The following INPP4B variants were observed in gnomAD, a reference collection of about 807,000 sequenced individuals.
INPP4B encodes inositol polyphosphate-4-phosphatase type II B.
Under a neutral mutation model 122.5 loss-of-function variants are expected in INPP4B, and 55 were observed. The observed-to-expected ratio is 0.45, with a 90% CI of 0.36 to 0.56. The LOEUF is 0.56. Among genes scored for constraint, INPP4B ranks in the 20% least tolerant of loss-of-function variants. The pLI is 0.00. For synonymous variants in INPP4B, 403 were observed against 388.7 expected, an observed-to-expected ratio of 1.04 and a Z score of -0.43; for missense variants, 1,000 against 1,097.7, an observed-to-expected ratio of 0.91 and a Z score of 1.26.
chr4:142,426,959 T>G (rs894104796), intron 5 of INPP4B: 8 of 151,998 alleles, frequency 5.3e-5, no homozygotes, highest in African/African-American at 1.9e-4. Context: ...CTTGTTTTAC[T>G]TCTGATTAAA....
At chr4:142,395,318 C>T (rs945733452) in intron 7 of INPP4B, among the ~76,000 whole-genome samples, 1 of 152,236 alleles carries the variant, frequency 6.6e-6, no homozygotes, top group Non-Finnish European at 1.5e-5. Context: ...GAAATAACAT[C>T]GATATGTAAT....
chr4:142,653,831 A>C (rs537542468), intron 2 of INPP4B, among the ~76,000 whole-genome samples: 1 of 152,294 alleles, frequency 6.6e-6, no homozygotes, highest in South Asian at 2.1e-4. Context: ...AAGGATCTAG[A>C]ACTAGAAATA....
At chr4:142,281,673 T>C (rs1466618428) in intron 9 of INPP4B, among the ~76,000 whole-genome samples, 6 of 152,046 alleles carry the variant, frequency 3.9e-5, no homozygotes, top group African/African-American at 1.4e-4. Flanking sequence ...GAGTGTAATG[T>C]ATTTCAAACC....
chr4:142,142,802 C>A (rs547995742), intron 18 of INPP4B, among the ~76,000 whole-genome samples: 6 of 152,074 alleles, frequency 3.9e-5, no homozygotes, highest in African/African-American at 1.2e-4. Flanking sequence ...GAATGATAAA[C>A]GTTTAAAGTG....
intron 4 of INPP4B, among the ~76,000 whole-genome samples, chr4:142,430,329 G>A (rs991699786): frequency 6.6e-6 from 1 of 151,820 alleles, no homozygotes; most frequent in Non-Finnish European, 1.5e-5. Context: ...AAATGTCTGC[G>A]TTTTTTTAAA....
At chr4:142,356,104 TA>T (rs1464636831) in intron 7 of INPP4B, among the ~76,000 whole-genome samples, 1 of 151,204 alleles carries the variant, frequency 6.6e-6, no homozygotes, top group African/African-American at 2.4e-5. Context: ...TATAAAATGA[TA>T]AAGTGCTGGA....
chr4:142,110,558 AAGG>A (rs1172211335), intron 22 of INPP4B, among the ~76,000 whole-genome samples: 1 of 152,144 alleles, frequency 6.6e-6, no homozygotes, highest in Admixed American at 6.6e-5. Context: ...GAATCAGAAA[AAGG>A]AGGTTCAGAG....
chr4:142,832,296 G>C (rs879244578), intron 1 of INPP4B, among the ~76,000 whole-genome samples: 1 of 151,892 alleles, frequency 6.6e-6, no homozygotes, highest in Non-Finnish European at 1.5e-5. Context: ...ATGTGTTTTA[G>C]ACCATGAAAA....
chr4:142,169,047 C>CATGTTA (rs1174502494), intron 16 of INPP4B, among the ~76,000 whole-genome samples: 1 of 151,528 alleles, frequency 6.6e-6, no homozygotes, highest in Non-Finnish European at 1.5e-5. Flanking sequence ...TGGGAGGGTC[C>CATGTTA]ATGTTAATCC....
chr4:142,335,004 C>T (rs1776069125), intron 7 of INPP4B, among the ~76,000 whole-genome samples: 1 of 151,240 alleles, frequency 6.6e-6, no homozygotes, highest in Non-Finnish European at 1.5e-5. Context: ...GCAAACACTC[C>T]CCTGAAAGCC....
chr4:142,253,489 G>A lies in INPP4B; in HGVS notation c.688+7003C>T, dbSNP rs538703437. On this transcript the variant is annotated intron_variant, in intron 11 of 25. Coordinates refer to ENST00000262992, the MANE Select transcript of INPP4B (RefSeq NM_001101669.3). ...TGCCAGAGAGTGGGCGCAGGTCAGT[G>A]GGTGCGCGCACCATGTGCGAGCCGA... Among the ~76,000 whole-genome samples, 38 of 152,276 alleles carry A rather than the reference G, an allele frequency of 2.5e-4. 1 individual carries two copies. The highest frequency in any genetic ancestry group is 6.8e-3 in the Middle Eastern group (2 of 294).
chr4:142,032,403 C>T (rs1270142173), intron 25 of INPP4B, among the ~76,000 whole-genome samples: 6 of 152,056 alleles, frequency 3.9e-5, no homozygotes, highest in Admixed American at 3.9e-4. Context: ...ACACTAAGAC[C>T]CCTGAGGGTA....
At chr4:142,721,541 G>C (rs993395379) in intron 2 of INPP4B, among the ~76,000 whole-genome samples, 6 of 152,228 alleles carry the variant, frequency 3.9e-5, no homozygotes, top group African/African-American at 1.4e-4. Context: ...GATGTCATAA[G>C]GCCGGGCGCT....
chr4:142,111,292 A>G (rs1789898756), intron 22 of INPP4B, among the ~76,000 whole-genome samples: 1 of 152,076 alleles, frequency 6.6e-6, no homozygotes, highest in Non-Finnish European at 1.5e-5. Context: ...CAGCCCCTAC[A>G]GCCAAGATGC....
chr4:142,554,099 G>T lies in INPP4B; in HGVS notation c.-190-91373C>A, dbSNP rs1013496560. Among the ~76,000 whole-genome samples the T allele has an allele frequency of 2.0e-5, 3 of 149,222 alleles. No individual in the cohort carries two copies. The East Asian group carries it at 6.0e-4, about 30-fold the overall frequency. The stretch of plus-strand genomic sequence containing the variant: ...AGCTACTCTGGAGGGTGAGGCAGGA[G>T]AATTGTTTGAATCCTGAAGGAGGAG... On this transcript the variant is annotated intron_variant, in intron 2 of 25. Coordinates refer to ENST00000262992, the MANE Select transcript of INPP4B (RefSeq NM_001101669.3).
At chr4:142,270,138 G>C (rs1431532092) in intron 10 of INPP4B, among the ~76,000 whole-genome samples, 1 of 152,124 alleles carries the variant, frequency 6.6e-6, no homozygotes, top group East Asian at 1.9e-4. Context: ...CGTTGCCATT[G>C]TCCCTCCTCC....
At chr4:142,037,192 C>T (rs974728307) in intron 25 of INPP4B, among the ~76,000 whole-genome samples, 24 of 152,086 alleles carry the variant, frequency 1.6e-4, no homozygotes, top group African/African-American at 5.3e-4. Context: ...ATTTAAGACC[C>T]GTCAAAGCAG....
intron 2 of INPP4B, among the ~76,000 whole-genome samples, chr4:142,625,880 G>T (rs1171739451): frequency 7.9e-5 from 12 of 152,058 alleles, no homozygotes; most frequent in Non-Finnish European, 1.6e-4. Flanking sequence ...CAAGAAATGG[G>T]GAAAGGATTC....
chr4:142,623,971 T>A (rs1007517428), intron 2 of INPP4B, among the ~76,000 whole-genome samples: 4 of 152,112 alleles, frequency 2.6e-5, no homozygotes, highest in Non-Finnish European at 5.9e-5. Flanking sequence ...TCTATCATTG[T>A]TGGACATTTG....
Sources: gnomAD v4.1 joint callset for allele counts (sites outside exome capture counted in the v4.1 genomes callset) on GRCh38, gnomAD v4.1.1 for gene constraint, MANE v1.5 for transcripts, NCBI Gene and HGNC (gene_info 2026-07-23, HGNC 2026-07-21) for gene names.